The following TNFRSF10C variants were observed in gnomAD, a reference collection of about 807,000 sequenced individuals.
The protein encoded by TNFRSF10C is tumor necrosis factor receptor superfamily member 10C.
Under a neutral mutation model 16.7 loss-of-function variants are expected in TNFRSF10C, and 17 were observed. That is an observed-to-expected ratio of 1.02 (90% CI 0.70 to 1.53). The LOEUF (loss-of-function observed/expected upper bound fraction) is 1.53. TNFRSF10C is among the 40% of genes most tolerant of loss of function. TNFRSF10C has a pLI of 0.00. For synonymous variants in TNFRSF10C, 73 were observed against 119.7 expected (o/e 0.61, Z 2.55); for missense variants, 237 against 329.7 (o/e 0.72, Z 2.18).
intron 1 of TNFRSF10C, among the ~76,000 whole-genome samples, chr8:23,107,170 C>T (rs568349741): frequency 2.0e-5 from 3 of 152,068 alleles, no homozygotes; most frequent in Non-Finnish European, 2.9e-5. Flanking sequence ...TAGCAAAACC[C>T]GGTCACAACA....
Position 23,116,630 on chromosome 8 carries a change from T to G in TNFRSF10C, c.390-11T>G. ...TCAGGAGTCCTCACCTCCCTCTCTG[T>G]GTGTACCCAGGTGCCCTAGTGGGGA... On this transcript the variant is annotated splice_polypyrimidine_tract_variant and intron_variant, in intron 4 of 4. Coordinates refer to ENST00000356864, the MANE Select transcript of TNFRSF10C (RefSeq NM_003841.5). The G allele has an allele frequency of 6.2e-7, 1 of 1,610,842 alleles. No homozygotes were observed. The highest frequency in any genetic ancestry group is 8.5e-7 in the Non-Finnish European group (1 of 1,177,918).
intron 2 of TNFRSF10C, 158 bp from the exon 3 acceptor site, chr8:23,114,499 G>C (rs1185454406): frequency 5.4e-6 from 3 of 558,026 alleles, no homozygotes; most frequent in Non-Finnish European, 6.5e-6. Context: ...CCAGTCAAAG[G>C]TATGTAATAG....
chr8:23,117,164 CT>C lies in TNFRSF10C; in HGVS notation c.*134del. The C allele has an allele frequency of 7.3e-7, 1 of 1,362,540 alleles. No homozygotes were observed. Among genetic ancestry groups the C allele is most frequent in the Non-Finnish European group, 9.9e-7 (1 of 1,006,064 alleles). 84.4% of individuals were successfully genotyped at this position (1,362,540 alleles called of 1,614,324 possible). A position where few individuals can be genotyped will look rare whatever the true frequency, so the allele number is the denominator to read the frequency against. On this transcript the variant is annotated 3_prime_UTR_variant, in exon 5 of 5. Coordinates refer to ENST00000356864, the MANE Select transcript of TNFRSF10C (RefSeq NM_003841.5). The stretch of plus-strand genomic sequence containing the variant: ...TTCCCACAGACAGAAACGCCTGCCC[CT>C]GCCCCAAGTCCTGGTGTCTCCAGCC...
chr8:23,105,855 G>C (rs1025004475), intron 1 of TNFRSF10C, among the ~76,000 whole-genome samples: 1 of 152,164 alleles, frequency 6.6e-6, no homozygotes, highest in Non-Finnish European at 1.5e-5. Context: ...CTAACAACCC[G>C]GGGAGATGAA....
intron 1 of TNFRSF10C, chr8:23,103,413 C>T (rs1000680125): frequency 2.0e-5 from 14 of 697,198 alleles, no homozygotes; most frequent in Non-Finnish European, 3.1e-5. Flanking sequence ...CCCGAGCCCG[C>T]GAAGGGAGGG....
intron 1 of TNFRSF10C, among the ~76,000 whole-genome samples, chr8:23,106,896 A>AG (rs1347985435): frequency 1.3e-4 from 19 of 151,450 alleles, no homozygotes; most frequent in South Asian, 4.2e-4. Flanking sequence ...CTGAGGCAGG[A>AG]GAATGGTGAG....
chr8:23,111,889 T>A (rs1813886628), intron 2 of TNFRSF10C, 64 bp downstream of exon 2: 6 of 1,453,882 alleles, frequency 4.1e-6, no homozygotes, highest in Admixed American at 3.7e-5. Context: ...TATGTATTTA[T>A]GATGTACACC....
intron 4 of TNFRSF10C, 136 bp downstream of exon 4, chr8:23,115,752 G>A: frequency 1.6e-6 from 1 of 632,052 alleles, no homozygotes; most frequent in Non-Finnish European, 2.6e-6. Context: ...GGGGTCTCTT[G>A]GGTCTGCAGT....
In TNFRSF10C at chr8:23,115,490, C is replaced by T. The variant is rs754615566; in HGVS notation, c.281-18C>T. 17 of 1,606,134 alleles carry T rather than the reference C, an allele frequency of 1.1e-5. No individual in the cohort carries two copies. The highest frequency in any genetic ancestry group is 1.7e-4 in the Middle Eastern group (1 of 6,044). ...CATCAGGGAAACACATTCCCAAAAC[C>T]TTATGCTCTGTTGTCAGATCAAAAA... On this transcript the variant is annotated intron_variant, in intron 3 of 4. Coordinates refer to ENST00000356864, the MANE Select transcript of TNFRSF10C (RefSeq NM_003841.5).
chr8:23,114,587 T>C (rs572629963), intron 2 of TNFRSF10C, 70 bp from the exon 3 acceptor site: 110 of 1,319,826 alleles, frequency 8.3e-5, no homozygotes, highest in Non-Finnish European at 1.2e-4. Context: ...AAAAAAGAAG[T>C]TTCCCCACCA....
chr8:23,103,290 G>A, intron 1 of TNFRSF10C, 109 bp downstream of exon 1: 1 of 1,525,180 alleles, frequency 6.6e-7, no homozygotes, highest in African/African-American at 1.4e-5. Context: ...CCTGCGGCCG[G>A]GCATGTCCGG....
At chr8:23,105,577 G>T (rs921489979) in intron 1 of TNFRSF10C, among the ~76,000 whole-genome samples, 2 of 152,200 alleles carry the variant, frequency 1.3e-5, no homozygotes, top group African/African-American at 4.8e-5. Flanking sequence ...TCTGGTAGGC[G>T]CCTGGCCCGG....
At chr8:23,106,299 G>A (rs893996436) in intron 1 of TNFRSF10C, among the ~76,000 whole-genome samples, 4 of 152,168 alleles carry the variant, frequency 2.6e-5, no homozygotes, top group Non-Finnish European at 5.9e-5. Context: ...AGGCTGTGCT[G>A]GAGAGAGGCC....
At chr8:23,112,287 A>G (rs983734396) in intron 2 of TNFRSF10C, among the ~76,000 whole-genome samples, 3 of 152,250 alleles carry the variant, frequency 2.0e-5, no homozygotes, top group Admixed American at 1.3e-4. Context: ...ATACTATCCC[A>G]ATTTATATCA....
At chr8:23,106,818 C>G (rs1447639152) in intron 1 of TNFRSF10C, among the ~76,000 whole-genome samples, 2 of 151,968 alleles carry the variant, frequency 1.3e-5, no homozygotes, top group Admixed American at 6.6e-5. Flanking sequence ...AACCCCGTCT[C>G]TACTGAAAAT....
At chr8:23,113,709 G>A (rs774952836) in intron 2 of TNFRSF10C, among the ~76,000 whole-genome samples, 5 of 152,110 alleles carry the variant, frequency 3.3e-5, no homozygotes, top group Admixed American at 6.5e-5. Flanking sequence ...TTTGTAACAC[G>A]TTTTAAAATC....
At position 23,117,102 on chromosome 8, in the gene TNFRSF10C, G is replaced by A. The variant is rs1476060997; in HGVS notation, c.*71G>A. 1.9e-6 allele frequency: 3 copies of A among 1,567,324 alleles called. No homozygotes were observed. The highest frequency in any genetic ancestry group is 2.6e-6 in the Non-Finnish European group (3 of 1,160,226). On this transcript the variant is annotated 3_prime_UTR_variant, in exon 5 of 5. Transcript: ENST00000356864. Reference sequence around the variant, plus strand: ...GGTAGGCGCTGGCTGAGGGCGGGGGGCGCTGGACACTCTCTGCCCTGCCTC... The same window carrying A: ...GGTAGGCGCTGGCTGAGGGCGGGGGACGCTGGACACTCTCTGCCCTGCCTC...
chr8:23,114,199 A>AG (rs1216369668), intron 2 of TNFRSF10C, among the ~76,000 whole-genome samples: 1 of 152,100 alleles, frequency 6.6e-6, no homozygotes, highest in East Asian at 1.9e-4. Flanking sequence ...GAGCGAAGAC[A>AG]GGGGGCCACT....
At chr8:23,109,655 A>G (rs1349059836) in intron 1 of TNFRSF10C, among the ~76,000 whole-genome samples, 1 of 152,094 alleles carries the variant, frequency 6.6e-6, no homozygotes, top group Non-Finnish European at 1.5e-5. Flanking sequence ...AAGAAAAAGA[A>G]AAAGAAAATT....
Sources: gnomAD v4.1 joint callset for allele counts (sites outside exome capture counted in the v4.1 genomes callset) on GRCh38, gnomAD v4.1.1 for gene constraint, MANE v1.5 for transcripts, NCBI Gene and HGNC (gene_info 2026-07-23, HGNC 2026-07-21) for gene names.